Variants in SLC2A12 observed in about 807,000 individuals in gnomAD.
The protein encoded by SLC2A12 is solute carrier family 2 member 12, also known as solute carrier family 2, facilitated glucose transporter member 12.
A neutral mutation model predicts 41.8 loss-of-function variants in SLC2A12; 23 were observed. That is an observed-to-expected ratio of 0.55 (90% CI 0.40 to 0.78). SLC2A12 has a LOEUF of 0.78. Ranked by LOEUF, SLC2A12 falls within the 30% of genes least tolerant of loss-of-function variation. SLC2A12 has a pLI of 0.00. For missense variants in SLC2A12, 654 were observed against 745.6 expected (o/e 0.88, Z 1.43); for synonymous variants, 295 against 285.9 (o/e 1.03, Z -0.32).
At chr6:134,022,662 G>A (rs1475751084) in intron 2 of SLC2A12, among the ~76,000 whole-genome samples, 1 of 152,196 alleles carries the variant, frequency 6.6e-6, no homozygotes, top group African/African-American at 2.4e-5. Context: ...GTATGTCGTG[G>A]AAGAAAAGAG....
At position 133,988,805 on chromosome 6, in the gene SLC2A12, A is replaced by G. The variant is rs371455084; in HGVS notation, c.*2350T>C. On this transcript the variant is annotated 3_prime_UTR_variant, in exon 5 of 5. Coordinates refer to ENST00000275230, the MANE Select transcript of SLC2A12 (RefSeq NM_145176.3). The stretch of plus-strand genomic sequence containing the variant: ...CCAAATTCATAGAGAATAAAATTAC[A>G]TGAAAGAGTTACAAGCTCACTGTTT... The G allele has an allele frequency of 1.6e-4, 25 of 152,168 alleles. No homozygotes were observed. The highest frequency in any genetic ancestry group is 5.8e-4 in the African/African-American group (24 of 41,444). 9.4% of individuals were successfully genotyped at this position (152,168 alleles called of 1,614,324 possible). A position where few individuals can be genotyped will look rare whatever the true frequency, so the allele number is the denominator to read the frequency against.
intron 4 of SLC2A12, among the ~76,000 whole-genome samples, chr6:133,994,880 C>T (rs1258979524): frequency 6.6e-6 from 1 of 152,092 alleles, no homozygotes; most frequent in South Asian, 2.1e-4. Flanking sequence ...GGACGGGTCG[C>T]AGAAGGATGT....
chr6:134,001,674 G>T (rs1776755588), intron 4 of SLC2A12, among the ~76,000 whole-genome samples: 1 of 149,460 alleles, frequency 6.7e-6, no homozygotes, highest in South Asian at 2.1e-4. Context: ...CAATTGTAAA[G>T]ATTTTATTCA....
chr6:133,994,086 G>A (rs1776654616), intron 4 of SLC2A12, among the ~76,000 whole-genome samples: 1 of 152,216 alleles, frequency 6.6e-6, no homozygotes, highest in African/African-American at 2.4e-5. Context: ...AGATCATGGT[G>A]ACTCAGACCA....
intron 1 of SLC2A12, among the ~76,000 whole-genome samples, chr6:134,040,666 A>G (rs1472175299): frequency 6.6e-6 from 1 of 152,204 alleles, no homozygotes; most frequent in Non-Finnish European, 1.5e-5. Context: ...GAGACAATAG[A>G]AGGAGGCTTG....
chr6:134,028,672 A>C lies in SLC2A12; in HGVS notation c.1153T>G (p.Ser385Ala). 1 of 1,614,138 alleles carries C rather than the reference A, an allele frequency of 6.2e-7. No homozygotes were observed. The highest frequency in any genetic ancestry group is 8.5e-7 in the Non-Finnish European group (1 of 1,180,022). The part of the protein sequence containing the change: ...ICRSHNSINQ[S>A]LDESVIYGPG... ...CCATAAATCACAGACTCATCCAAGGACTGGTTGATAGAATTGTGGCTTCTG... is the reference window on the plus strand; with the variant it reads ...CCATAAATCACAGACTCATCCAAGGCCTGGTTGATAGAATTGTGGCTTCTG... The change falls in exon 2 of 5, where the codon TCC (serine) becomes GCC (alanine). Residue 385 changes from serine (S) to alanine (A), a missense_variant. Ser to Ala is a moderately conservative substitution (Grantham distance 99, BLOSUM62 1). Transcript: ENST00000275230.
chr6:134,052,406 G>T lies in SLC2A12; in HGVS notation c.75C>A (p.Ser25Arg), dbSNP rs1300500116. Residue 25 changes from serine (S) to arginine (R), a missense_variant, in exon 1 of 5, where the codon AGC becomes AGA. This residue lies in a region of SLC2A12 where 109 missense variants were observed against 153.0 expected (regional missense o/e 0.71). Coordinates refer to ENST00000275230, the MANE Select transcript of SLC2A12 (RefSeq NM_145176.3). ...QKGTAVETEG[S>R]GSRHPPWARG... ...TCGCCCAGGGAGGATGCCGGCTGCCGCTGCCCTCCGTCTCCACGGCTGTCC... is the reference window on the plus strand; with the variant it reads ...TCGCCCAGGGAGGATGCCGGCTGCCTCTGCCCTCCGTCTCCACGGCTGTCC... 1.2e-6 allele frequency: 2 copies of T among 1,612,910 alleles called. No homozygotes were observed. The highest frequency in any genetic ancestry group is 2.2e-5 in the East Asian group (1 of 44,886).
chr6:133,994,890 T>G (rs1776668300), intron 4 of SLC2A12, among the ~76,000 whole-genome samples: 1 of 152,114 alleles, frequency 6.6e-6, no homozygotes, highest in Non-Finnish European at 1.5e-5. Context: ...CAGAAGGATG[T>G]GAGGCAAGCA....
At chr6:133,995,037 G>A (rs1776670019) in intron 4 of SLC2A12, among the ~76,000 whole-genome samples, 3 of 152,200 alleles carry the variant, frequency 2.0e-5, no homozygotes, top group Admixed American at 2.0e-4. Flanking sequence ...AATTTCAGGA[G>A]CGGAGTGGCC....
At chr6:134,050,672 C>G (rs1380526476) in intron 1 of SLC2A12, among the ~76,000 whole-genome samples, 1 of 152,322 alleles carries the variant, frequency 6.6e-6, no homozygotes, top group East Asian at 1.9e-4. Context: ...GACATTATCA[C>G]TGACTGTATT....
At chr6:133,991,638 A>G (rs1038141173) in intron 4 of SLC2A12, among the ~76,000 whole-genome samples, 1 of 152,102 alleles carries the variant, frequency 6.6e-6, no homozygotes, top group African/African-American at 2.4e-5. Context: ...AACTCCAGCA[A>G]TGTGCCTATA....
At chr6:134,038,695 CTTT>C (rs1777339480) in intron 1 of SLC2A12, among the ~76,000 whole-genome samples, 1 of 111,198 alleles carries the variant, frequency 9.0e-6, no homozygotes. Flanking sequence ...TTCTTCCTTT[CTTT>C]CCTTTTTTTT....
At chr6:134,026,625 T>C (rs1458861826) in intron 2 of SLC2A12, among the ~76,000 whole-genome samples, 2 of 152,128 alleles carry the variant, frequency 1.3e-5, no homozygotes, top group Non-Finnish European at 2.9e-5. Context: ...TAATGGTAAT[T>C]ATCATTGTTA....
intron 4 of SLC2A12, among the ~76,000 whole-genome samples, chr6:133,999,589 CT>C (rs1171097283): frequency 6.6e-6 from 1 of 152,162 alleles, no homozygotes; most frequent in Non-Finnish European, 1.5e-5. Context: ...GAGGAAGCCA[CT>C]TTGCCTCCTC....
rs769446784 is a variant in SLC2A12, at chr6:134,028,409, A to C, written c.1416T>G (p.Val472=). The stretch of plus-strand genomic sequence containing the variant: ...GTCCTAGACCAATTGAAAAAGCAGC[A>C]ACATAAACAAGCAAGCTGGCTAAGG... The part of the protein sequence containing the change: ...WLSLASLLVY[V]AAFSIGLGPM... The change falls in exon 2 of 5, where the codon GTT becomes GTG. Residue 472 remains valine (V), a synonymous_variant. Transcript: ENST00000275230. 6.2e-7 allele frequency: 1 copy of C among 1,613,290 alleles called. No individual in the cohort carries two copies. Among genetic ancestry groups the C allele is most frequent in the Non-Finnish European group, 8.5e-7 (1 of 1,179,650 alleles).
At chr6:134,023,366 A>G (rs182801920) in intron 2 of SLC2A12, among the ~76,000 whole-genome samples, 6 of 152,328 alleles carry the variant, frequency 3.9e-5, no homozygotes, top group African/African-American at 1.4e-4. Flanking sequence ...AAAGCCCCAG[A>G]GCATCGCTCC....
chr6:134,039,595 TATG>T (rs1221120611), intron 1 of SLC2A12, among the ~76,000 whole-genome samples: 1 of 152,174 alleles, frequency 6.6e-6, no homozygotes, highest in African/African-American at 2.4e-5. Context: ...CTAAATCAGT[TATG>T]ATATTTTTGA....
chr6:134,011,249 G>C (rs1293807880), intron 2 of SLC2A12, among the ~76,000 whole-genome samples: 3 of 152,130 alleles, frequency 2.0e-5, no homozygotes, highest in Admixed American at 6.5e-5. Flanking sequence ...ATTTGAGAGG[G>C]ACTGTGCCCA....
At chr6:134,046,850 C>T (rs912933082) in intron 1 of SLC2A12, among the ~76,000 whole-genome samples, 1 of 151,816 alleles carries the variant, frequency 6.6e-6, no homozygotes, top group African/African-American at 2.4e-5. Context: ...AGTCATTTAG[C>T]AAATGCATAA....
Sources: gnomAD v4.1 joint callset for allele counts (sites outside exome capture counted in the v4.1 genomes callset) on GRCh38, gnomAD v4.1.1 for gene constraint, gnomAD v4.1.1 regional missense constraint, MANE v1.5 for transcripts, NCBI Gene and HGNC (gene_info 2026-07-23, HGNC 2026-07-21) for gene names.